The following CCM2 variants were observed in gnomAD, a reference collection of about 807,000 sequenced individuals.
CCM2 encodes the protein cerebral cavernous malformations 2 protein.
In CCM2, 25 loss-of-function variants were observed where a neutral mutation model predicts 44.9. The ratio of observed to expected loss-of-function variants is 0.56; its 90% CI spans 0.41 to 0.78. The LOEUF (loss-of-function observed/expected upper bound fraction) is 0.78, where lower values mean the gene tolerates loss of function less well. CCM2 is among the 30% of genes least tolerant of loss of function. The pLI is 0.00. For missense variants in CCM2, 481 were observed against 580.6 expected (o/e 0.83, Z 1.76); for synonymous variants, 219 against 241.1 (o/e 0.91, Z 0.85).
At chr7:44,999,972 G>T (rs1430801307), upstream of CCM2, 2 of 272,670 alleles carry the variant, frequency 7.3e-6, no homozygotes, top group Non-Finnish European at 1.5e-5. Context: ...CGGCCGTCCT[G>T]AAGGGGCAGG....
intron 2 of CCM2, among the ~76,000 whole-genome samples, chr7:45,053,845 T>A (rs184391987): frequency 1.1e-3 from 164 of 152,242 alleles, no homozygotes; most frequent in South Asian, 2.9e-3. Context: ...ATTTTGTATG[T>A]CGATTATAGT....
chr7:45,061,524 G>A (rs1798521315), intron 2 of CCM2, among the ~76,000 whole-genome samples: 1 of 146,420 alleles, frequency 6.8e-6, no homozygotes, highest in African/African-American at 2.6e-5. Context: ...CTGGAGTGCA[G>A]TGGCACCATC....
chr7:45,068,921 C>T (rs1208213618), intron 5 of CCM2, among the ~76,000 whole-genome samples: 1 of 152,220 alleles, frequency 6.6e-6, no homozygotes, highest in Admixed American at 6.5e-5. Flanking sequence ...CTGAGACCAC[C>T]TGGCCACTGA....
intron 1 of CCM2, among the ~76,000 whole-genome samples, chr7:45,005,239 G>A (rs898604295): frequency 2.6e-5 from 4 of 152,170 alleles, no homozygotes; most frequent in Non-Finnish European, 4.4e-5. Flanking sequence ...CAGAATGATC[G>A]GCAACATAAG....
chr7:45,017,338 G>T (rs1020554911), intron 1 of CCM2, among the ~76,000 whole-genome samples: 3 of 152,234 alleles, frequency 2.0e-5, no homozygotes, highest in Non-Finnish European at 4.4e-5. Context: ...CTATAAACTG[G>T]CTAGAACCAG....
intron 9 of CCM2, among the ~76,000 whole-genome samples, chr7:45,074,903 A>C (rs988699242): frequency 8.5e-5 from 13 of 152,194 alleles, no homozygotes; most frequent in Admixed American, 7.9e-4. Context: ...TGTTGGCCCC[A>C]CACCTCTCAG....
At chr7:45,053,135 G>A (rs1353777518) in intron 2 of CCM2, among the ~76,000 whole-genome samples, 1 of 152,106 alleles carries the variant, frequency 6.6e-6, no homozygotes, top group East Asian at 1.9e-4. Flanking sequence ...TTGATAGTTT[G>A]GGTCCCTAAG....
intron 1 of CCM2, among the ~76,000 whole-genome samples, chr7:45,008,652 G>A (rs952052254): frequency 6.6e-6 from 1 of 152,030 alleles, no homozygotes; most frequent in Non-Finnish European, 1.5e-5. Context: ...GTGAGCCACC[G>A]CACCCGGCCA....
intron 1 of CCM2, 93 bp from the exon 2 acceptor site, chr7:45,038,160 T>C: frequency 7.0e-7 from 1 of 1,429,210 alleles, no homozygotes; most frequent in Non-Finnish European, 9.8e-7. Flanking sequence ...GGGGCCATGG[T>C]AGTAGTTTTG....
chr7:45,033,274 T>G (rs1229379095), intron 1 of CCM2, among the ~76,000 whole-genome samples: 1 of 152,116 alleles, frequency 6.6e-6, no homozygotes, highest in African/African-American at 2.4e-5. Context: ...TCCTTCCCAG[T>G]GCAGACTGTA....
rs1131691538 is a variant in CCM2, at chr7:45,069,896, ACTTT to A, written c.683_686del (p.Phe228TrpfsTer63). ...GTTGTTTACACGGAGTCCACCATCG[ACTTT>A]CTGGACAGAGCGATATTTGATGGGG... On this transcript the variant is annotated frameshift_variant, in exon 6 of 10. Transcript: ENST00000258781. LOFTEE classifies it high-confidence loss of function. 1.2e-6 allele frequency: 2 copies of A among 1,614,142 alleles called. No homozygotes were observed. Among genetic ancestry groups the A allele is most frequent in the Non-Finnish European group, 8.5e-7 (1 of 1,180,016 alleles).
At chr7:45,066,835 T>C (rs1209915352) in intron 4 of CCM2, among the ~76,000 whole-genome samples, 1 of 152,012 alleles carries the variant, frequency 6.6e-6, no homozygotes, top group Non-Finnish European at 1.5e-5. Context: ...TAAAAATGTT[T>C]AAAAGGTAGA....
chr7:45,044,877 CAA>C (rs1797678496), intron 2 of CCM2, among the ~76,000 whole-genome samples: 1 of 152,036 alleles, frequency 6.6e-6, no homozygotes, highest in South Asian at 2.1e-4. Flanking sequence ...ATTTTTAATT[CAA>C]AAGTTATTAA....
chr7:45,001,041 A>T (rs776526613), intron 1 of CCM2, among the ~76,000 whole-genome samples: 1 of 152,274 alleles, frequency 6.6e-6, no homozygotes, highest in African/African-American at 2.4e-5. Context: ...TATCTTTTTC[A>T]AATAAATGCT....
chr7:45,027,204 A>C, intron 1 of CCM2: 2 of 255,118 alleles, frequency 7.8e-6, no homozygotes, highest in Admixed American at 5.1e-5. Context: ...GCTGCCTTTG[A>C]GCAAGCACTG....
Position 45,000,280 on chromosome 7 carries a change from G to C in CCM2, c.-54G>C. 3 of 1,173,744 alleles carry C rather than the reference G, an allele frequency of 2.6e-6. No homozygotes were observed. The highest frequency in any genetic ancestry group is 3.2e-6 in the Non-Finnish European group (3 of 940,802). The allele number at this position is 1,173,744 out of a possible 1,614,324, so 72.7% of individuals were successfully genotyped here. A position where few individuals can be genotyped will look rare whatever the true frequency, so the allele number is the denominator to read the frequency against. On this transcript the variant is annotated 5_prime_UTR_variant, in exon 1 of 10. Transcript: ENST00000258781. ...CGGGTCGAGCATGTAGCGGCTGCTG[G>C]CGGCGGGGCTCCCGGGGCGGGCCGG...
chr7:45,043,349 A>G (rs1797601697), intron 2 of CCM2, among the ~76,000 whole-genome samples: 1 of 152,236 alleles, frequency 6.6e-6, no homozygotes, highest in African/African-American at 2.4e-5. Flanking sequence ...AAAAGAAATA[A>G]CAGACACCAA....
chr7:45,069,768 C>T (rs1377594100), intron 5 of CCM2, 58 bp from the exon 6 acceptor site: 1 of 1,610,624 alleles, frequency 6.2e-7, no homozygotes, highest in African/African-American at 1.3e-5. Flanking sequence ...CTGGAAGCCG[C>T]CTGGGAAGGC....
chr7:45,044,280 C>T (rs912597254), intron 2 of CCM2, among the ~76,000 whole-genome samples: 1 of 152,280 alleles, frequency 6.6e-6, no homozygotes, highest in East Asian at 1.9e-4. Flanking sequence ...ACTGCAGAAG[C>T]CTGCCACCAC....
Sources: gnomAD v4.1 joint callset for allele counts (sites outside exome capture counted in the v4.1 genomes callset) on GRCh38, gnomAD v4.1.1 for gene constraint, MANE v1.5 for transcripts, NCBI Gene and HGNC (gene_info 2026-07-23, HGNC 2026-07-21) for gene names.